ZFYVE9: variants seen among roughly 807,000 people sequenced by gnomAD.
ZFYVE9 encodes zinc finger FYVE domain-containing protein 9.
A neutral mutation model predicts 126.7 loss-of-function variants in ZFYVE9; 43 were observed. That is an observed-to-expected ratio of 0.34 (90% CI 0.27 to 0.44). ZFYVE9 has a LOEUF of 0.44. Among genes scored for constraint, ZFYVE9 ranks in the 20% least tolerant of loss-of-function variants. The pLI, the probability that ZFYVE9 is intolerant of heterozygous loss-of-function variation, is 1.00. For missense variants in ZFYVE9, 1,476 were observed against 1,697.0 expected (o/e 0.87, Z 2.29); for synonymous variants, 521 against 597.4 (o/e 0.87, Z 1.87).
At chr1:52,308,592 T>TTTG (rs1457209543) in intron 13 of ZFYVE9, among the ~76,000 whole-genome samples, 1 of 152,206 alleles carries the variant, frequency 6.6e-6, no homozygotes, top group African/African-American at 2.4e-5. Flanking sequence ...TTTGTGCTCT[T>TTTG]TTGTTCATGG....
chr1:52,164,679 T>G (rs1330079495), intron 1 of ZFYVE9, among the ~76,000 whole-genome samples: 1 of 152,176 alleles, frequency 6.6e-6, no homozygotes. Flanking sequence ...CATCCATCCT[T>G]TGCAGACATG....
chr1:52,205,589 C>T (rs547058615), intron 1 of ZFYVE9, among the ~76,000 whole-genome samples: 1 of 151,128 alleles, frequency 6.6e-6, no homozygotes, highest in Non-Finnish European at 1.5e-5. Context: ...CCCAGACTAG[C>T]CTCAAACTCC....
intron 16 of ZFYVE9, 31 bp downstream of exon 16, chr1:52,337,965 T>A (rs1487035634): frequency 3.1e-6 from 5 of 1,605,300 alleles, no homozygotes; most frequent in Admixed American, 3.4e-5. Context: ...CCTTTGTGGC[T>A]TTTAGTTATA....
chr1:52,304,915 G>A (rs946644343), intron 13 of ZFYVE9, among the ~76,000 whole-genome samples: 1 of 151,958 alleles, frequency 6.6e-6, no homozygotes, highest in Non-Finnish European at 1.5e-5. Flanking sequence ...AGGAGTAATC[G>A]ATGAGACTAG....
At chr1:52,220,421 G>A (rs925510847) in intron 2 of ZFYVE9, among the ~76,000 whole-genome samples, 2 of 152,210 alleles carry the variant, frequency 1.3e-5, no homozygotes, top group Admixed American at 6.5e-5. Context: ...TACCCAGTGG[G>A]TGAGATGGTC....
rs868798053 is a variant in ZFYVE9 at position 52,340,912 on chromosome 1, A to G, written c.3939+681A>G. ...AGAGCAAGACTCCGTCTCAAAAAAA[A>G]AAAAAAAAAAAAAAAAAAAAACTAG... On this transcript the variant is annotated intron_variant, in intron 17 of 18. Coordinates refer to ENST00000287727, the MANE Select transcript of ZFYVE9 (RefSeq NM_004799.4). Among the ~76,000 whole-genome samples the G allele has an allele frequency of 6.7e-3, 875 of 130,264 alleles. 5 individuals are homozygous for G. The highest frequency in any genetic ancestry group is 0.035 in the African/African-American group (830 of 23,984). The allele number at this position is 130,264 out of a possible 152,430, so 85.5% of individuals were successfully genotyped here.
At chr1:52,184,257 T>G (rs937365167) in intron 1 of ZFYVE9, among the ~76,000 whole-genome samples, 16 of 142,298 alleles carry the variant, frequency 1.1e-4, no homozygotes, top group Non-Finnish European at 7.6e-5. Context: ...GGATTTTCAC[T>G]CTTGTTGCCC....
At chr1:52,241,902 T>A (rs1645337160) in intron 4 of ZFYVE9, among the ~76,000 whole-genome samples, 1 of 152,150 alleles carries the variant, frequency 6.6e-6, no homozygotes, top group African/African-American at 2.4e-5. Flanking sequence ...ACGTAGTAAT[T>A]ACTTAATATT....
At chr1:52,202,550 G>C (rs1644933587) in intron 1 of ZFYVE9, among the ~76,000 whole-genome samples, 1 of 151,926 alleles carries the variant, frequency 6.6e-6, no homozygotes, top group Admixed American at 6.6e-5. Flanking sequence ...CAAAGTGCTA[G>C]AATTACAGGC....
intron 13 of ZFYVE9, among the ~76,000 whole-genome samples, chr1:52,326,533 G>A (rs1646293421): frequency 7.6e-5 from 1 of 13,178 alleles, no homozygotes; most frequent in Admixed American, 3.8e-3. Flanking sequence ...AGATAGTTAC[G>A]AGCAAGGCCA....
At chr1:52,263,996 A>G (rs1433708637) in intron 5 of ZFYVE9, 124 bp downstream of exon 5, 2 of 468,184 alleles carry the variant, frequency 4.3e-6, no homozygotes, top group Non-Finnish European at 7.4e-6. Flanking sequence ...CATAACTTTA[A>G]CTGAAAATAT....
rs367877683 is a variant in ZFYVE9, at chr1:52,288,642, C to T, written c.3026-4811C>T. ...ACCACTTAGAAATTTATTTATTGGC[C>T]GGGTGCGGTGGGTCACGCCTGTAAT... is the stretch of plus-strand genomic sequence containing the variant. On this transcript the variant is annotated intron_variant, in intron 10 of 18. Coordinates refer to ENST00000287727, the MANE Select transcript of ZFYVE9 (RefSeq NM_004799.4). Among the ~76,000 whole-genome samples, 153 of 152,070 alleles carry T rather than the reference C, an allele frequency of 1.0e-3. 1 individual carries two copies. The highest frequency in any genetic ancestry group is 6.8e-3 in the Middle Eastern group (2 of 294).
intron 1 of ZFYVE9, chr1:52,162,309 C>A: frequency 2.5e-6 from 1 of 398,064 alleles, no homozygotes; most frequent in South Asian, 2.4e-5. Flanking sequence ...CGATGATATC[C>A]TCTATCATAG....
At chr1:52,143,338 T>C (rs1402607099) in intron 1 of ZFYVE9, among the ~76,000 whole-genome samples, 1 of 152,236 alleles carries the variant, frequency 6.6e-6, no homozygotes, top group Admixed American at 6.5e-5. Context: ...TTGAAAATGC[T>C]ACTGATTACA....
chr1:52,192,450 C>A (rs1644824388), intron 1 of ZFYVE9, among the ~76,000 whole-genome samples: 1 of 152,190 alleles, frequency 6.6e-6, no homozygotes, highest in East Asian at 1.9e-4. Context: ...AAGCCTTTGG[C>A]TTATACTGTC....
intron 9 of ZFYVE9, among the ~76,000 whole-genome samples, chr1:52,279,683 G>A (rs547874078): frequency 6.6e-6 from 1 of 152,218 alleles, no homozygotes; most frequent in Admixed American, 6.5e-5. Context: ...TGCCCAGGTT[G>A]TTCTTGAACT....
intron 1 of ZFYVE9, among the ~76,000 whole-genome samples, chr1:52,164,210 C>T (rs191863639): frequency 6.7e-6 from 1 of 148,806 alleles, no homozygotes; most frequent in South Asian, 2.1e-4. Context: ...GAGTATATAT[C>T]TTTTTTGTTT....
rs760340549 is a variant in ZFYVE9, at chr1:52,238,248, A to G, written c.831A>G (p.Gly277=). 2 of 1,614,086 alleles carry G rather than the reference A, an allele frequency of 1.2e-6. No individual in the cohort carries two copies. Among genetic ancestry groups the G allele is most frequent in the Admixed American group, 1.7e-5 (1 of 60,024 alleles). Reference sequence around the variant, plus strand: ...TAATCTCATCCCAGGGAACAGATGGATGTCCTGCTGTTAAAAAGCAAGAGA... The same window carrying G: ...TAATCTCATCCCAGGGAACAGATGGGTGTCCTGCTGTTAAAAAGCAAGAGA... ...DSVISSQGTD[G]CPAVKKQENY... is the part of the protein sequence containing the mutation. Residue 277 remains glycine (G), a synonymous_variant, in exon 4 of 19, where the codon GGA becomes GGG. Transcript: ENST00000287727.
intron 1 of ZFYVE9, among the ~76,000 whole-genome samples, chr1:52,197,028 AG>A (rs1195425826): frequency 2.0e-5 from 3 of 152,306 alleles, no homozygotes; most frequent in Admixed American, 2.0e-4. Context: ...TCACTTGAAT[AG>A]ATCTTTCAAA....
Sources: allele counts gnomAD v4.1 joint callset (sites outside exome capture counted in the v4.1 genomes callset), GRCh38; gene constraint gnomAD v4.1.1; transcripts MANE v1.5; gene names NCBI Gene and HGNC (gene_info 2026-07-23, HGNC 2026-07-21).